The following NT5DC4 variants were observed in gnomAD, a reference collection of about 807,000 sequenced individuals.
NT5DC4 encodes 5'-nucleotidase domain-containing protein 4.
A neutral mutation model predicts 26.6 loss-of-function variants in NT5DC4; 44 were observed. That is an observed-to-expected ratio of 1.65 (90% CI 1.30 to 2.13). The LOEUF (loss-of-function observed/expected upper bound fraction) is 2.13, where lower values mean the gene tolerates loss of function less well. Ranked by LOEUF, NT5DC4 falls within the 30% of genes most tolerant of loss-of-function variation. The pLI is 0.00. For missense variants in NT5DC4, 399 were observed against 228.1 expected, an observed-to-expected ratio of 1.75 and a Z score of -4.83; for synonymous variants, 157 against 86.7, an observed-to-expected ratio of 1.81 and a Z score of -4.51.
At chr2:112,720,561 C>G (rs549007932), upstream of NT5DC4, among the ~76,000 whole-genome samples, 23 of 152,322 alleles carry the variant, frequency 1.5e-4, no homozygotes, top group African/African-American at 5.3e-4. Context: ...CTGCCACCCC[C>G]CCATTCTGAG....
At chr2:112,740,877 T>C, downstream of NT5DC4, 1 of 1,614,196 alleles carries the variant, frequency 6.2e-7, no homozygotes, top group Non-Finnish European at 8.5e-7. Context: ...CTGCCTTGGC[T>C]ATTCGGGGTG....
At position 112,725,259 on chromosome 2, in the gene NT5DC4, C is replaced by T. The variant is rs1008974878; in HGVS notation, c.982+19C>T. 27 of 702,806 alleles carry T rather than the reference C, an allele frequency of 3.8e-5. No individual in the cohort carries two copies. In the African/African-American group the frequency reaches 3.9e-4, roughly 10 times the overall value. 43.5% of individuals were successfully genotyped at this position (702,806 alleles called of 1,614,324 possible). A position where few individuals can be genotyped will look rare whatever the true frequency, so the allele number is the denominator to read the frequency against. Reference sequence around the variant, plus strand: ...TCTGGAGGTACCAGCTCCCACCATGCCCCATCACTCCTTGGGCACCCTCCT... The same window carrying T: ...TCTGGAGGTACCAGCTCCCACCATGTCCCATCACTCCTTGGGCACCCTCCT... On this transcript the variant is annotated intron_variant, in intron 12 of 16. Transcript: ENST00000688554.
At chr2:112,720,556 A>G (rs1676784362), upstream of NT5DC4, among the ~76,000 whole-genome samples, 2 of 151,402 alleles carry the variant, frequency 1.3e-5, no homozygotes, top group South Asian at 2.1e-4. Context: ...ACTTTCTGCC[A>G]CCCCCCCATT....
chr2:112,740,741 A>C (rs1679879228), downstream of NT5DC4: 2 of 1,212,074 alleles, frequency 1.7e-6, no homozygotes, highest in Non-Finnish European at 2.4e-6. Flanking sequence ...CAGTTACTCT[A>C]GATCTGTGAA....
intron 16 of NT5DC4, among the ~76,000 whole-genome samples, chr2:112,732,476 G>T (rs1678604648): frequency 6.6e-6 from 1 of 151,924 alleles, no homozygotes; most frequent in Non-Finnish European, 1.5e-5. Flanking sequence ...ACAGGGGCAG[G>T]TTCTCCAGTA....
At chr2:112,728,445 G>A (rs1047014914) in intron 15 of NT5DC4, among the ~76,000 whole-genome samples, 15 of 152,186 alleles carry the variant, frequency 9.9e-5, no homozygotes, top group Non-Finnish European at 1.8e-4. Flanking sequence ...ATGGCACTGG[G>A]CAAGGGTTAG....
At position 112,723,185 on chromosome 2, in the gene NT5DC4, G is replaced by T; in HGVS notation, c.621+11G>T. ...AACATCCACCAGTCGGTGAGTGAGT[G>T]GTCCAGAACCCCCGGACCCCTGACC... On this transcript the variant is annotated intron_variant, in intron 7 of 16. Transcript: ENST00000688554. 4.2e-6 allele frequency: 3 copies of T among 717,266 alleles called. No individual in the cohort carries two copies. Among genetic ancestry groups the T allele is most frequent in the Non-Finnish European group, 7.8e-6 (3 of 385,066 alleles). 44.4% of individuals were successfully genotyped at this position (717,266 alleles called of 1,614,324 possible).
At chr2:112,742,831 GAACTTT>G, downstream of NT5DC4, 2 of 1,121,524 alleles carry the variant, frequency 1.8e-6, no homozygotes, top group Non-Finnish European at 2.6e-6. Context: ...ATTTGCTAAG[GAACTTT>G]AACTTCAAAT....
intron 16 of NT5DC4, chr2:112,737,195 AG>A: frequency 6.6e-6 from 1 of 152,330 alleles, no homozygotes; most frequent in East Asian, 1.9e-4. Context: ...CTGGGATTAC[AG>A]GTGTGAGTCA....
At chr2:112,735,483 C>T (rs1469209879) in intron 16 of NT5DC4, among the ~76,000 whole-genome samples, 2 of 110,580 alleles carry the variant, frequency 1.8e-5, no homozygotes, top group Admixed American at 1.9e-4. Context: ...ATATAATCCT[C>T]CCCCCCCTTT....
downstream of NT5DC4, chr2:112,742,765 AT>A (rs1680057304): frequency 6.2e-7 from 1 of 1,607,782 alleles, no homozygotes; most frequent in African/African-American, 1.3e-5. Flanking sequence ...CAACTCTTGT[AT>A]TGGCTGGAAG....
At chr2:112,727,158 G>C (rs1351829080) in intron 15 of NT5DC4, 1 of 209,652 alleles carries the variant, frequency 4.8e-6, no homozygotes, top group Non-Finnish European at 1.0e-5. Flanking sequence ...CCACCAAAAA[G>C]CTGGAGGTGC....
intron 16 of NT5DC4, among the ~76,000 whole-genome samples, chr2:112,735,803 T>G (rs1468768543): frequency 2.0e-5 from 3 of 152,120 alleles, no homozygotes; most frequent in Admixed American, 2.0e-4. Flanking sequence ...TCTGCAAGAC[T>G]CTATAGTCTG....
intron 13 of NT5DC4, 79 bp from the exon 14 acceptor site, chr2:112,726,159 C>G (rs1677686482): frequency 1.4e-6 from 1 of 713,252 alleles, no homozygotes; most frequent in Non-Finnish European, 2.6e-6. Context: ...TCCGCTGGGC[C>G]AGGGCAGACA....
downstream of NT5DC4, among the ~76,000 whole-genome samples, chr2:112,741,941 T>G (rs2712018): frequency 1.7e-4 from 3 of 17,210 alleles, no homozygotes; most frequent in South Asian, 2.5e-3. Flanking sequence ...TTCTTTTCTG[T>G]TTTTTTTTTT....
intron 8 of NT5DC4, 108 bp downstream of exon 8, chr2:112,723,576 C>T (rs930073823): frequency 8.9e-5 from 61 of 686,226 alleles, no homozygotes; most frequent in Non-Finnish European, 9.7e-5. Context: ...CTCTGCTCCC[C>T]GGATGGCTGG....
chr2:112,719,922 T>C (rs865896472), upstream of NT5DC4, among the ~76,000 whole-genome samples: 95 of 90,046 alleles, frequency 1.1e-3, 2 homozygotes, highest in East Asian at 1.3e-3. Flanking sequence ...CTTTCTTTCT[T>C]TCTCTTTCTT....
intron 16 of NT5DC4, among the ~76,000 whole-genome samples, chr2:112,734,169 A>ATAGGTGTGTGTG (rs150412692): frequency 1.5e-5 from 2 of 134,786 alleles, no homozygotes; most frequent in African/African-American, 5.7e-5. Flanking sequence ...TATTATATAT[A>ATAGGTGTGTGTG]TGTGTGTGTG....
intron 11 of NT5DC4, 82 bp from the exon 12 acceptor site, chr2:112,725,092 C>T: frequency 1.5e-6 from 1 of 667,234 alleles, no homozygotes; most frequent in Non-Finnish European, 2.8e-6. Flanking sequence ...ACCTCTGCCA[C>T]TCCCAGCTCC....
Sources: gnomAD v4.1 joint callset for allele counts (sites outside exome capture counted in the v4.1 genomes callset) on GRCh38, gnomAD v4.1.1 for gene constraint, MANE v1.5 for transcripts, NCBI Gene and HGNC (gene_info 2026-07-23, HGNC 2026-07-21) for gene names.